Variants in EPHB1 observed in about 807,000 individuals in gnomAD.
The protein encoded by EPHB1 is EPH receptor B1.
A neutral mutation model predicts 94.4 loss-of-function variants in EPHB1; 30 were observed. That is an observed-to-expected ratio of 0.32 (90% CI 0.24 to 0.43). The LOEUF is 0.43. Among genes scored for constraint, EPHB1 ranks in the 20% least tolerant of loss-of-function variants. The pLI is 1.00. For missense variants in EPHB1, 1,055 were observed against 1,308.3 expected (o/e 0.81, Z 2.99); for synonymous variants, 522 against 489.1 (o/e 1.07, Z -0.89).
At chr3:134,974,806 T>C (rs1242778969) in intron 3 of EPHB1, among the ~76,000 whole-genome samples, 1 of 141,512 alleles carries the variant, frequency 7.1e-6, no homozygotes, top group African/African-American at 2.8e-5. Context: ...CAGTCCGCAG[T>C]CCCATGACTT....
At chr3:135,061,867 G>A (rs1359317109) in intron 3 of EPHB1, among the ~76,000 whole-genome samples, 5 of 152,082 alleles carry the variant, frequency 3.3e-5, no homozygotes, top group South Asian at 2.1e-4. Flanking sequence ...TTGTCCTTGC[G>A]ATAGTTTGCT....
chr3:134,840,955 C>T (rs1320017424), intron 1 of EPHB1, among the ~76,000 whole-genome samples: 1 of 152,202 alleles, frequency 6.6e-6, no homozygotes, highest in Non-Finnish European at 1.5e-5. Context: ...CAGCCGGTCA[C>T]TTAACAATGC....
chr3:135,030,672 T>G (rs4504196), intron 3 of EPHB1, among the ~76,000 whole-genome samples: 37,924 of 152,186 alleles, frequency 0.25, 6,180 homozygotes, highest in East Asian at 0.71. Flanking sequence ...TACTGCTGTC[T>G]TTTTGTTTGT....
At chr3:135,112,935 T>C (rs1338993200) in intron 4 of EPHB1, among the ~76,000 whole-genome samples, 2 of 152,246 alleles carry the variant, frequency 1.3e-5, no homozygotes, top group Non-Finnish European at 2.9e-5. Context: ...AGCTGAGCTT[T>C]ACCCATCGCT....
intron 2 of EPHB1, among the ~76,000 whole-genome samples, chr3:134,934,391 C>T (rs188608479): frequency 1.3e-3 from 193 of 152,218 alleles, no homozygotes; most frequent in Middle Eastern, 3.4e-3. Flanking sequence ...GCAGTGGCCA[C>T]GAGATTCAGA....
intron 4 of EPHB1, among the ~76,000 whole-genome samples, chr3:135,132,433 G>C (rs996647325): frequency 6.6e-6 from 1 of 151,956 alleles, no homozygotes; most frequent in Non-Finnish European, 1.5e-5. Flanking sequence ...AGAGCAAAAG[G>C]CCTTAAACCC....
chr3:135,021,665 C>G (rs1935992047), intron 3 of EPHB1, among the ~76,000 whole-genome samples: 1 of 151,926 alleles, frequency 6.6e-6, no homozygotes, highest in African/African-American at 2.4e-5. Context: ...TGTTTCATTT[C>G]TTATTGCCCT....
chr3:135,224,592 A>C (rs1211564357), intron 12 of EPHB1, among the ~76,000 whole-genome samples: 1 of 152,222 alleles, frequency 6.6e-6, no homozygotes, highest in Non-Finnish European at 1.5e-5. Flanking sequence ...CTACAGGAAA[A>C]TAATGTTAGG....
At chr3:135,140,344 G>A (rs1260845655) in intron 5 of EPHB1, among the ~76,000 whole-genome samples, 1 of 152,202 alleles carries the variant, frequency 6.6e-6, no homozygotes, top group Non-Finnish European at 1.5e-5. Flanking sequence ...GCATCTCCAG[G>A]AGAGAACGCC....
rs145331722 is a variant in EPHB1 at position 135,164,279 on chromosome 3, G to A, written c.1586-1689G>A. Among the ~76,000 whole-genome samples, 552 of 152,250 alleles carry A rather than the reference G, an allele frequency of 3.6e-3. 6 individuals are homozygous for A. Among genetic ancestry groups the A allele is most frequent in the African/African-American group, 0.013 (523 of 41,556 alleles). Reference sequence around the variant, plus strand: ...CCGTCTTTAAAATTCTAGAGAATGGGAGGCTTCAAGAACCAATATCCTTGT... The same window carrying A: ...CCGTCTTTAAAATTCTAGAGAATGGAAGGCTTCAAGAACCAATATCCTTGT... On this transcript the variant is annotated intron_variant, in intron 7 of 15. Transcript: ENST00000398015.
At chr3:135,200,114 T>G (rs1373422329) in intron 11 of EPHB1, among the ~76,000 whole-genome samples, 3 of 152,210 alleles carry the variant, frequency 2.0e-5, no homozygotes, top group Non-Finnish European at 4.4e-5. Context: ...GCTCTACTTA[T>G]AGAACATAAT....
chr3:134,870,031 A>G (rs574661184), intron 1 of EPHB1, among the ~76,000 whole-genome samples: 23 of 152,326 alleles, frequency 1.5e-4, no homozygotes, highest in Middle Eastern at 3.4e-3. Context: ...GAGCACAAAG[A>G]AAGAGCAGAT....
intron 9 of EPHB1, among the ~76,000 whole-genome samples, chr3:135,174,682 C>G (rs1243719154): frequency 6.6e-6 from 1 of 152,134 alleles, no homozygotes; most frequent in Non-Finnish European, 1.5e-5. Context: ...AAGGGTTGAT[C>G]AACATACTGA....
intron 2 of EPHB1, among the ~76,000 whole-genome samples, chr3:134,933,686 G>A (rs1023468763): frequency 1.2e-4 from 18 of 152,128 alleles, no homozygotes; most frequent in African/African-American, 4.3e-4. Context: ...AGGTCTCATG[G>A]TGAAAAAGTG....
At chr3:135,250,815 G>A (rs1041752375) in intron 15 of EPHB1, among the ~76,000 whole-genome samples, 2 of 152,048 alleles carry the variant, frequency 1.3e-5, no homozygotes, top group African/African-American at 4.8e-5. Flanking sequence ...CATTTCTTAT[G>A]GTAGAAGATT....
intron 11 of EPHB1, among the ~76,000 whole-genome samples, chr3:135,197,706 G>A (rs1190741265): frequency 6.6e-6 from 1 of 152,172 alleles, no homozygotes; most frequent in Non-Finnish European, 1.5e-5. Context: ...CATGAAGGGA[G>A]GAAAGTTTAA....
At chr3:135,201,420 T>A in intron 11 of EPHB1, 54 bp from the exon 12 acceptor site, 1 of 1,581,822 alleles carries the variant, frequency 6.3e-7, no homozygotes, top group Non-Finnish European at 8.7e-7. Context: ...TCTCTCCCTC[T>A]GCTTAACCAT....
In EPHB1 at chr3:134,951,791, G is replaced by A. The variant is rs769719088; in HGVS notation, c.544G>A (p.Ala182Thr). Residue 182 changes from alanine to threonine, a missense_variant, in exon 3 of 16, where the codon GCC becomes ACC. Physicochemically the swap from Ala to Thr is moderately conservative, Grantham distance 58. Coordinates refer to ENST00000398015, the MANE Select transcript of EPHB1 (RefSeq NM_004441.5). The surrounding 1 kb of genome is among the most constrained non-coding windows in gnomAD (Gnocchi z 4.5). ...GFYLAFQDYG[A>T]CMSLLSVRVF... The stretch of plus-strand genomic sequence containing the variant: ...TTACCTCGCTTTTCAGGATTATGGA[G>A]CCTGTATGTCTCTTCTTTCTGTCCG... 6.8e-6 allele frequency: 11 copies of A among 1,613,920 alleles called. No individual in the cohort carries two copies. The highest frequency in any genetic ancestry group is 5.5e-5 in the South Asian group (5 of 91,086).
chr3:134,902,416 G>T (rs1185220668), intron 1 of EPHB1, among the ~76,000 whole-genome samples: 2 of 152,164 alleles, frequency 1.3e-5, no homozygotes, highest in African/African-American at 2.4e-5. Flanking sequence ...CCCAGACCAA[G>T]CATCAGTCCC....
Sources: gnomAD v4.1 joint callset for allele counts (sites outside exome capture counted in the v4.1 genomes callset) on GRCh38, gnomAD v4.1.1 for gene constraint, Gnocchi (gnomAD v3.1) non-coding constraint, MANE v1.5 for transcripts, NCBI Gene and HGNC (gene_info 2026-07-23, HGNC 2026-07-21) for gene names.